DOCK3: variants seen among roughly 807,000 people sequenced by gnomAD.
DOCK3 encodes the protein dedicator of cytokinesis protein 3.
A neutral mutation model predicts 265.6 loss-of-function variants in DOCK3; 60 were observed. The observed-to-expected ratio is 0.23, with a 90% CI of 0.18 to 0.28. The LOEUF is 0.28. DOCK3 is among the 10% of genes least tolerant of loss of function. The probability of loss-of-function intolerance (pLI) is 1.00; values close to 1 mark genes in which losing one functional copy is unlikely to be tolerated. For synonymous variants in DOCK3, 881 were observed against 938.0 expected, an observed-to-expected ratio of 0.94 and a Z score of 1.11; for missense variants, 1,981 against 2,594.3, an observed-to-expected ratio of 0.76 and a Z score of 5.14.
intron 1 of DOCK3, among the ~76,000 whole-genome samples, chr3:50,692,679 G>A (rs1289061942): frequency 1.3e-5 from 2 of 152,180 alleles, no homozygotes; most frequent in Non-Finnish European, 2.9e-5. Flanking sequence ...TTCTGTAGCT[G>A]TTTGCCTTTT....
intron 10 of DOCK3, among the ~76,000 whole-genome samples, chr3:51,156,199 G>A (rs1268194279): frequency 1.3e-5 from 2 of 152,140 alleles, no homozygotes; most frequent in Admixed American, 1.3e-4. Context: ...CAAAAAAAAG[G>A]AGTGTCCCAG....
intron 1 of DOCK3, among the ~76,000 whole-genome samples, chr3:50,687,985 C>G (rs1029177201): frequency 7.2e-5 from 11 of 152,184 alleles, no homozygotes; most frequent in Admixed American, 2.6e-4. Flanking sequence ...TACAGTGACT[C>G]AATCCTCTCT....
intron 27 of DOCK3, among the ~76,000 whole-genome samples, chr3:51,305,605 G>A (rs930862976): frequency 6.6e-6 from 1 of 151,778 alleles, no homozygotes; most frequent in African/African-American, 2.4e-5. Flanking sequence ...ATTTTGCTAT[G>A]TGCTTTATAT....
chr3:50,959,235 T>G (rs2076816741), intron 5 of DOCK3, among the ~76,000 whole-genome samples: 1 of 152,222 alleles, frequency 6.6e-6, no homozygotes, highest in Non-Finnish European at 1.5e-5. Context: ...TTATTGTATA[T>G]AAAGTGTCCA....
chr3:50,940,068 C>CACACACAAACACACAT (rs1368162196), intron 5 of DOCK3, among the ~76,000 whole-genome samples: 2 of 151,832 alleles, frequency 1.3e-5, no homozygotes, highest in Non-Finnish European at 2.9e-5. Context: ...CACACACATA[C>CACACACAAACACACAT]ACACACAAAC....
chr3:51,279,726 A>C (rs1400563273), intron 26 of DOCK3, among the ~76,000 whole-genome samples: 1 of 152,160 alleles, frequency 6.6e-6, no homozygotes, highest in East Asian at 1.9e-4. Context: ...CAGAGTCCAA[A>C]TTCTGTCCAG....
intron 1 of DOCK3, among the ~76,000 whole-genome samples, chr3:50,695,170 C>T (rs369788258): frequency 7.0e-4 from 106 of 152,302 alleles, no homozygotes; most frequent in African/African-American, 2.4e-3. Flanking sequence ...GTTGTTCATT[C>T]GGATAAGCAC....
rs749925387 is a variant in DOCK3 at position 51,381,104 on chromosome 3, G to A, written c.5638G>A (p.Gly1880Ser). 12 of 1,613,412 alleles carry A rather than the reference G, an allele frequency of 7.4e-6. No homozygotes were observed. The highest frequency in any genetic ancestry group is 9.3e-6 in the Non-Finnish European group (11 of 1,179,608). Residue 1880 changes from glycine (G) to serine (S), a missense_variant, in exon 53 of 53, where the codon GGC becomes AGC. Around this residue, in one of 4 missense-constraint regions of DOCK3, gnomAD observed 1,357 missense variants for 1,866.8 expected, o/e 0.73. Transcript: ENST00000266037. The surrounding 1 kb of genome is among the most constrained non-coding windows in gnomAD (Gnocchi z 5.6). ...CACAAGCCCCCAGTCAGGTCTGGAC[G>A]GCAGCAACTCTACGCTGTCCGGCAG... ...SPTSPQSGLD[G>S]SNSTLSGSAS... is the part of the protein sequence containing the mutation.
At position 50,912,635 on chromosome 3, in the gene DOCK3, G is replaced by A. The variant is rs534693650; in HGVS notation, c.219-21346G>A. Among the ~76,000 whole-genome samples, 10 of 152,226 alleles carry A rather than the reference G, an allele frequency of 6.6e-5. No individual in the cohort carries two copies. In the South Asian group the frequency reaches 2.1e-3, roughly 32 times the overall value. ...TGGTGTTCTATTGTGCTATGTAGTTGAGCTGTTACTGAAACCACAAGACAA... is the reference window on the plus strand; with the variant it reads ...TGGTGTTCTATTGTGCTATGTAGTTAAGCTGTTACTGAAACCACAAGACAA... On this transcript the variant is annotated intron_variant, in intron 4 of 52. Coordinates refer to ENST00000266037, the MANE Select transcript of DOCK3 (RefSeq NM_004947.5).
At chr3:51,029,549 C>T (rs938715833) in intron 5 of DOCK3, among the ~76,000 whole-genome samples, 1 of 152,220 alleles carries the variant, frequency 6.6e-6, no homozygotes, top group Non-Finnish European at 1.5e-5. Flanking sequence ...ATTCTCTCTT[C>T]ATGTTCATTC....
chr3:51,034,644 A>T (rs950860858), intron 5 of DOCK3, among the ~76,000 whole-genome samples: 2 of 152,114 alleles, frequency 1.3e-5, no homozygotes, highest in Admixed American at 1.3e-4. Flanking sequence ...AGAAATCAAT[A>T]GCAAAAATAG....
intron 12 of DOCK3, among the ~76,000 whole-genome samples, chr3:51,196,102 A>ATTTTTTT (rs34862284): frequency 3.4e-4 from 49 of 142,574 alleles, no homozygotes; most frequent in African/African-American, 1.2e-3. Flanking sequence ...CGCCCAGCTA[A>ATTTTTTT]TTTTTTTTTT....
chr3:51,330,001 A>G lies in DOCK3; in HGVS notation c.3403-137A>G, dbSNP rs1417465362. The stretch of plus-strand genomic sequence containing the variant: ...TTCTTGGTGCTATAGGTAAAATACT[A>G]CCTTCCCTGGGATTTCTTTGGAGCA... On this transcript the variant is annotated intron_variant, in intron 32 of 52. Transcript: ENST00000266037. The G allele has an allele frequency of 1.4e-5, 12 of 829,694 alleles. 2 individuals are homozygous for G. Among genetic ancestry groups the G allele is most frequent in the South Asian group, 1.2e-4 (7 of 59,462 alleles). The allele number at this position is 829,694 out of a possible 1,614,324, so 51.4% of individuals were successfully genotyped here. A position where few individuals can be genotyped will look rare whatever the true frequency, so the allele number is the denominator to read the frequency against.
intron 27 of DOCK3, 96 bp from the exon 28 acceptor site, chr3:51,310,136 A>G (rs1247504612): frequency 2.2e-6 from 2 of 899,216 alleles, no homozygotes; most frequent in African/African-American, 1.7e-5. Flanking sequence ...CACTGGTCCC[A>G]CCCATTGTCA....
Position 51,361,782 on chromosome 3 carries a change from CCA to C in DOCK3, c.5007-72_5007-71del, listed in dbSNP as rs2086754136. ...GTAGCTGAAACCAGGGATGACTATT[CCA>C]CACATTCCGCTCTACTGTCCCCCTG... On this transcript the variant is annotated intron_variant, in intron 47 of 52. Transcript: ENST00000266037. This position sits in a 1 kb window ranked among gnomAD's most constrained non-coding sequence, Gnocchi z 4.2. 2 of 1,533,924 alleles carry C rather than the reference CCA, an allele frequency of 1.3e-6. No individual in the cohort carries two copies. The highest frequency in any genetic ancestry group is 2.3e-5 in the East Asian group (1 of 42,876).
intron 2 of DOCK3, among the ~76,000 whole-genome samples, chr3:50,782,628 T>A (rs1048718305): frequency 4.6e-5 from 7 of 150,918 alleles, no homozygotes; most frequent in Non-Finnish European, 8.9e-5. Context: ...AAAATTCTTT[T>A]CAAAATTAAG....
At chr3:51,053,426 A>AT (rs563130234) in intron 5 of DOCK3, among the ~76,000 whole-genome samples, 6,886 of 132,452 alleles carry the variant, frequency 0.052, 260 homozygotes, top group South Asian at 0.11. Context: ...TTGTATCACT[A>AT]TTTTTTTTTT....
At chr3:51,050,942 A>C (rs1023729075) in intron 5 of DOCK3, among the ~76,000 whole-genome samples, 2 of 152,210 alleles carry the variant, frequency 1.3e-5, no homozygotes, top group Non-Finnish European at 2.9e-5. Context: ...TAAAAGTAAA[A>C]ATGTTTTAAT....
Position 50,804,293 on chromosome 3 carries a change from G to A in DOCK3, c.121+25535G>A, listed in dbSNP as rs183683999. On this transcript the variant is annotated intron_variant, in intron 2 of 52. Coordinates refer to ENST00000266037, the MANE Select transcript of DOCK3 (RefSeq NM_004947.5). The stretch of plus-strand genomic sequence containing the variant: ...CAGAGGGGCTCCTCACATCCCAGAC[G>A]ATGGGTGGCCAGGCAGAGACGCTCC... Among the ~76,000 whole-genome samples, 1,172 of 152,102 alleles carry A rather than the reference G, an allele frequency of 7.7e-3. 11 individuals carry two copies. Among genetic ancestry groups the A allele is most frequent in the African/African-American group, 0.027 (1,108 of 41,500 alleles).
Sources: gnomAD v4.1 joint callset for allele counts (sites outside exome capture counted in the v4.1 genomes callset) on GRCh38, gnomAD v4.1.1 for gene constraint, gnomAD v4.1.1 regional missense constraint, Gnocchi (gnomAD v3.1) non-coding constraint, MANE v1.5 for transcripts, NCBI Gene and HGNC (gene_info 2026-07-23, HGNC 2026-07-21) for gene names.